ZNF385B: variants seen among roughly 807,000 people sequenced by gnomAD.
ZNF385B encodes the protein zinc finger protein 533.
ZNF385B carries 23 observed loss-of-function variants against 39.2 expected under a neutral mutation model. The ratio of observed to expected loss-of-function variants is 0.59; its 90% confidence interval spans 0.42 to 0.83. ZNF385B has a LOEUF of 0.83. Ranked by LOEUF, ZNF385B falls within the 40% of genes least tolerant of loss-of-function variation. ZNF385B has a pLI of 0.00. For missense variants in ZNF385B, 552 were observed against 598.9 expected (o/e 0.92, Z 0.82); for synonymous variants, 205 against 222.6 (o/e 0.92, Z 0.70).
chr2:179,478,874 A>T (rs961416036), intron 6 of ZNF385B, among the ~76,000 whole-genome samples: 5 of 152,118 alleles, frequency 3.3e-5, no homozygotes, highest in Admixed American at 6.5e-5. Flanking sequence ...AATTTGATGT[A>T]TTGGGCATAT....
chr2:179,448,973 A>G (rs1444528278), intron 6 of ZNF385B, among the ~76,000 whole-genome samples: 6 of 152,188 alleles, frequency 3.9e-5, no homozygotes, highest in Non-Finnish European at 5.9e-5. Context: ...ATAAAATTAT[A>G]TATTTTCTCT....
chr2:179,800,251 C>T (rs867831964), intron 1 of ZNF385B, among the ~76,000 whole-genome samples: 1 of 151,798 alleles, frequency 6.6e-6, no homozygotes, highest in South Asian at 2.1e-4. Context: ...TTTAAACAGG[C>T]ATAAACTTTG....
At chr2:179,495,527 G>T (rs961641590) in intron 5 of ZNF385B, among the ~76,000 whole-genome samples, 1 of 152,186 alleles carries the variant, frequency 6.6e-6, no homozygotes, top group Admixed American at 6.5e-5. Flanking sequence ...AGCAGCCATG[G>T]AGTGGCTGCA....
intron 1 of ZNF385B, among the ~76,000 whole-genome samples, chr2:179,781,541 G>C (rs1704665042): frequency 6.6e-6 from 1 of 152,104 alleles, no homozygotes; most frequent in Admixed American, 6.6e-5. Context: ...AAATAATAAA[G>C]TTTTTAAAGG....
chr2:179,633,202 A>G (rs1450589781), intron 3 of ZNF385B, among the ~76,000 whole-genome samples: 1 of 152,236 alleles, frequency 6.6e-6, no homozygotes, highest in Admixed American at 6.5e-5. Context: ...AACTCATTTT[A>G]TGAGACCAAC....
intron 6 of ZNF385B, among the ~76,000 whole-genome samples, chr2:179,448,102 T>G (rs1046988070): frequency 6.6e-6 from 1 of 152,056 alleles, no homozygotes; most frequent in Non-Finnish European, 1.5e-5. Flanking sequence ...TTTTTATTCT[T>G]AGGTTGCACA....
chr2:179,692,518 G>T (rs1287963039), intron 3 of ZNF385B, among the ~76,000 whole-genome samples: 1 of 152,126 alleles, frequency 6.6e-6, no homozygotes, highest in Non-Finnish European at 1.5e-5. Flanking sequence ...CATGTCAGTT[G>T]ATTTGCCCAA....
intron 1 of ZNF385B, among the ~76,000 whole-genome samples, chr2:179,818,860 A>T (rs543496244): frequency 2.5e-3 from 373 of 152,220 alleles, no homozygotes; most frequent in Non-Finnish European, 4.2e-3. Context: ...ACCTGGAAAA[A>T]CATCAAACTA....
intron 3 of ZNF385B, among the ~76,000 whole-genome samples, chr2:179,622,727 G>T (rs1217453479): frequency 2.6e-5 from 4 of 152,148 alleles, no homozygotes; most frequent in African/African-American, 9.6e-5. Flanking sequence ...TATCACATTG[G>T]AGTGTGGTCT....
intron 5 of ZNF385B, among the ~76,000 whole-genome samples, chr2:179,484,631 G>A (rs72950552): frequency 0.024 from 3,643 of 152,060 alleles, 85 homozygotes; most frequent in Non-Finnish European, 0.034. Flanking sequence ...TGGACAGACA[G>A]AATGGGTCTC....
chr2:179,783,241 C>A (rs2106526707), intron 1 of ZNF385B, among the ~76,000 whole-genome samples: 1 of 152,244 alleles, frequency 6.6e-6, no homozygotes, highest in East Asian at 1.9e-4. Context: ...AGTAGAGTCC[C>A]TATTCGATAA....
chr2:179,730,158 C>T (rs566232217), intron 3 of ZNF385B, among the ~76,000 whole-genome samples: 2 of 152,218 alleles, frequency 1.3e-5, no homozygotes, highest in African/African-American at 4.8e-5. Context: ...TTGATTACAC[C>T]CTGCTTAGAG....
intron 3 of ZNF385B, among the ~76,000 whole-genome samples, chr2:179,596,752 T>C (rs1558960935): frequency 6.6e-6 from 1 of 152,210 alleles, no homozygotes; most frequent in Non-Finnish European, 1.5e-5. Context: ...TCTTTTGTCA[T>C]CTGAATAGAC....
intron 3 of ZNF385B, among the ~76,000 whole-genome samples, chr2:179,713,102 C>T (rs79389145): frequency 0.039 from 5,962 of 152,230 alleles, 176 homozygotes; most frequent in Middle Eastern, 0.061. Context: ...GTGTTCTGCG[C>T]ATATTTAAGG....
chr2:179,544,442 T>A (rs1369457678), intron 4 of ZNF385B, among the ~76,000 whole-genome samples: 2 of 147,838 alleles, frequency 1.4e-5, no homozygotes, highest in East Asian at 3.9e-4. Context: ...AGATAAATCC[T>A]ACAGTCATTT....
chr2:179,548,536 C>T lies in ZNF385B; in HGVS notation c.299-3567G>A, dbSNP rs569688309. Among the ~76,000 whole-genome samples, 136 of 149,422 alleles carry T rather than the reference C, an allele frequency of 9.1e-4. 9 individuals are homozygous for T. Among genetic ancestry groups the T allele is most frequent in the South Asian group, 2.8e-3 (13 of 4,642 alleles). The stretch of plus-strand genomic sequence containing the variant: ...TATTAACAGAGTTGTTATATTATTC[C>T]ATTTTCATACTGCTATGAAGAAATA... On this transcript the variant is annotated intron_variant, in intron 3 of 9. Coordinates refer to ENST00000410066, the MANE Select transcript of ZNF385B (RefSeq NM_152520.6).
Position 179,761,740 on chromosome 2 carries a change from G to A in ZNF385B, c.298+7763C>T, listed in dbSNP as rs924953428. Among the ~76,000 whole-genome samples the A allele has an allele frequency of 5.4e-5, 8 of 148,282 alleles. No homozygotes were observed. The Admixed American group carries it at 5.4e-4, about 10-fold the overall frequency. On this transcript the variant is annotated intron_variant, in intron 3 of 9. Transcript: ENST00000410066. ...ACTACAGGTGTGCACCACCATGCCT[G>A]GCTAACATTTTTTTTCTTTTCTTTT...
intron 3 of ZNF385B, among the ~76,000 whole-genome samples, chr2:179,684,228 C>T (rs569417981): frequency 7.2e-5 from 11 of 152,284 alleles, no homozygotes; most frequent in Admixed American, 1.3e-4. Context: ...TGTTCTGAAT[C>T]GCCTTTGTGT....
intron 3 of ZNF385B, among the ~76,000 whole-genome samples, chr2:179,624,888 C>G (rs1421670087): frequency 2.0e-5 from 3 of 152,200 alleles, no homozygotes; most frequent in Non-Finnish European, 2.9e-5. Context: ...ATCTTATACT[C>G]TCTACCATCC....
Sources: gnomAD v4.1 joint callset for allele counts (sites outside exome capture counted in the v4.1 genomes callset) on GRCh38, gnomAD v4.1.1 for gene constraint, MANE v1.5 for transcripts, NCBI Gene and HGNC (gene_info 2026-07-23, HGNC 2026-07-21) for gene names.